The following SNTB1 variants were observed in gnomAD, a reference collection of about 807,000 sequenced individuals.
The protein encoded by SNTB1 is syntrophin beta 1.
In SNTB1, 36 loss-of-function variants were observed where a neutral mutation model predicts 48.9. That is an observed-to-expected ratio of 0.74 (90% CI 0.56 to 0.97). SNTB1 has a LOEUF of 0.97. Among genes scored for constraint, SNTB1 ranks in the 50% least tolerant of loss-of-function variants. SNTB1 has a pLI of 0.00. For synonymous variants in SNTB1, 299 were observed against 294.6 expected, an observed-to-expected ratio of 1.01 and a Z score of -0.15; for missense variants, 786 against 703.4, an observed-to-expected ratio of 1.12 and a Z score of -1.33.
At chr8:120,764,662 T>C (rs1228730067) in intron 1 of SNTB1, among the ~76,000 whole-genome samples, 1 of 152,136 alleles carries the variant, frequency 6.6e-6, no homozygotes, top group Non-Finnish European at 1.5e-5. Flanking sequence ...TCAGAGAATA[T>C]ATAACAGATA....
chr8:120,757,355 G>A (rs1052766347), intron 1 of SNTB1, among the ~76,000 whole-genome samples: 5 of 152,146 alleles, frequency 3.3e-5, no homozygotes, highest in African/African-American at 9.7e-5. Context: ...ATGGCAAGGT[G>A]ATTACAGAGG....
chr8:120,549,719 A>G (rs1380387201), intron 4 of SNTB1, among the ~76,000 whole-genome samples: 7 of 152,244 alleles, frequency 4.6e-5, no homozygotes, highest in Admixed American at 3.9e-4. Context: ...AGCAGGGGCT[A>G]GGTCCTACTT....
chr8:120,635,313 T>A (rs922173897), intron 2 of SNTB1, among the ~76,000 whole-genome samples: 4 of 152,210 alleles, frequency 2.6e-5, no homozygotes, highest in Admixed American at 2.6e-4. Context: ...TCAAGAGCAT[T>A]AATGAGAGCT....
At chr8:120,810,088 A>G (rs1820400037) in intron 1 of SNTB1, among the ~76,000 whole-genome samples, 1 of 152,204 alleles carries the variant, frequency 6.6e-6, no homozygotes, top group Non-Finnish European at 1.5e-5. Context: ...AGTCTATTTC[A>G]ATAGCTACGG....
chr8:120,604,399 T>C (rs1215152917), intron 3 of SNTB1, among the ~76,000 whole-genome samples: 3 of 151,734 alleles, frequency 2.0e-5, no homozygotes. Context: ...TCTTCTCAGG[T>C]GGTTCATATC....
intron 4 of SNTB1, among the ~76,000 whole-genome samples, chr8:120,551,900 A>G (rs544790745): frequency 6.6e-6 from 1 of 152,296 alleles, no homozygotes; most frequent in South Asian, 2.1e-4. Flanking sequence ...TAAATATAGT[A>G]AAATATACAG....
chr8:120,546,110 T>C (rs1815376557), intron 5 of SNTB1, among the ~76,000 whole-genome samples: 1 of 152,172 alleles, frequency 6.6e-6, no homozygotes, highest in Non-Finnish European at 1.5e-5. Flanking sequence ...AATGAAAGAA[T>C]AGGCAAGAAA....
chr8:120,716,663 G>C (rs921413327), intron 1 of SNTB1, among the ~76,000 whole-genome samples: 1 of 152,180 alleles, frequency 6.6e-6, no homozygotes, highest in South Asian at 2.1e-4. Flanking sequence ...TCTCCTTGAA[G>C]GTGTCCCATG....
intron 2 of SNTB1, among the ~76,000 whole-genome samples, chr8:120,659,392 T>C (rs1299912653): frequency 6.6e-6 from 1 of 152,222 alleles, no homozygotes; most frequent in Non-Finnish European, 1.5e-5. Flanking sequence ...CCTGCATTTG[T>C]TCAAGTTTTA....
chr8:120,586,863 T>C (rs1019057839), intron 3 of SNTB1, among the ~76,000 whole-genome samples: 3 of 152,134 alleles, frequency 2.0e-5, no homozygotes, highest in Non-Finnish European at 4.4e-5. Flanking sequence ...GTAGATAAAA[T>C]AGTGACAATT....
chr8:120,783,064 T>C (rs1456989710), intron 1 of SNTB1, among the ~76,000 whole-genome samples: 1 of 152,236 alleles, frequency 6.6e-6, no homozygotes, highest in East Asian at 1.9e-4. Context: ...AAAAAGCTTC[T>C]GCAAATATGT....
intron 2 of SNTB1, among the ~76,000 whole-genome samples, chr8:120,691,785 C>T (rs1818132174): frequency 6.6e-6 from 1 of 152,148 alleles, no homozygotes; most frequent in African/African-American, 2.4e-5. Context: ...ATACCATAGG[C>T]TGCCACTTTG....
intron 3 of SNTB1, among the ~76,000 whole-genome samples, chr8:120,625,615 T>C (rs1816860807): frequency 6.6e-6 from 1 of 152,234 alleles, no homozygotes; most frequent in Non-Finnish European, 1.5e-5. Context: ...TAAACACTTG[T>C]AGCAAAAGAC....
chr8:120,741,275 T>A (rs1819035959), intron 1 of SNTB1, among the ~76,000 whole-genome samples: 1 of 152,230 alleles, frequency 6.6e-6, no homozygotes. Flanking sequence ...TTTTGATTCA[T>A]GTTCTACGAA....
At chr8:120,792,709 G>C (rs909913217) in intron 1 of SNTB1, among the ~76,000 whole-genome samples, 1 of 151,968 alleles carries the variant, frequency 6.6e-6, no homozygotes, top group South Asian at 2.1e-4. Flanking sequence ...ATTGTAGCAA[G>C]TTTTGATGGT....
intron 1 of SNTB1, among the ~76,000 whole-genome samples, chr8:120,715,782 G>A (rs1010141829): frequency 6.6e-6 from 1 of 151,998 alleles, no homozygotes; most frequent in Admixed American, 6.6e-5. Flanking sequence ...TATTGAGTGC[G>A]CCCTTTATTC....
chr8:120,808,897 T>A (rs1483285327), intron 1 of SNTB1, among the ~76,000 whole-genome samples: 1 of 152,078 alleles, frequency 6.6e-6, no homozygotes, highest in Non-Finnish European at 1.5e-5. Flanking sequence ...GAATCTAGGT[T>A]TTTTTAAAAA....
chr8:120,735,579 C>T (rs1198692003), intron 1 of SNTB1, among the ~76,000 whole-genome samples: 2 of 152,044 alleles, frequency 1.3e-5, no homozygotes, highest in South Asian at 2.1e-4. Flanking sequence ...AAAAGAAACA[C>T]CAAGGTTATA....
chr8:120,693,033 A>G (rs1028135590), intron 2 of SNTB1, among the ~76,000 whole-genome samples: 9 of 152,180 alleles, frequency 5.9e-5, no homozygotes, highest in South Asian at 4.1e-4. Flanking sequence ...GATTCCACTC[A>G]TGGTGGAAGG....
Sources: allele counts gnomAD v4.1 joint callset (sites outside exome capture counted in the v4.1 genomes callset), GRCh38; gene constraint gnomAD v4.1.1; transcripts MANE v1.5; gene names NCBI Gene and HGNC (gene_info 2026-07-23, HGNC 2026-07-21).